The following FAM216B variants were observed in gnomAD, a reference collection of about 807,000 sequenced individuals.
FAM216B encodes family with sequence similarity 216 member B.
Under a neutral mutation model 12.9 loss-of-function variants are expected in FAM216B, and 11 were observed. The observed-to-expected ratio is 0.86, with a 90% CI of 0.54 to 1.42. The LOEUF is 1.42. Among genes scored for constraint, FAM216B ranks in the 40% most tolerant of loss-of-function variants. The pLI, the probability that FAM216B is intolerant of heterozygous loss-of-function variation, is 0.00. For synonymous variants in FAM216B, 52 were observed against 57.2 expected (o/e 0.91, Z 0.41); for missense variants, 167 against 162.9 (o/e 1.02, Z -0.14).
Position 42,789,004 on chromosome 13 carries a change from G to A in FAM216B, c.*214G>A, listed in dbSNP as rs964474208. On this transcript the variant is annotated 3_prime_UTR_variant, in exon 4 of 4. Transcript: ENST00000313851. The stretch of plus-strand genomic sequence containing the variant: ...AAGCAAGCCTTTCCACATAACATCC[G>A]TAGAGTAAAAGGACTTTTAAAGCTT... 21 of 422,596 alleles carry A rather than the reference G, an allele frequency of 5.0e-5. No individual in the cohort carries two copies. The highest frequency in any genetic ancestry group is 1.5e-4 in the Admixed American group (4 of 26,788). The allele number at this position is 422,596 out of a possible 1,614,324, so 26.2% of individuals were successfully genotyped here. A position where few individuals can be genotyped will look rare whatever the true frequency, so the allele number is the denominator to read the frequency against.
At chr13:42,786,609 AGTT>A (rs1233043698) in intron 2 of FAM216B, among the ~76,000 whole-genome samples, 151 bp from the exon 3 acceptor site, 1 of 150,720 alleles carries the variant, frequency 6.6e-6, no homozygotes, top group Non-Finnish European at 1.5e-5. Context: ...GAAACTCCCC[AGTT>A]GTTATTTTCC....
Position 42,784,173 on chromosome 13 carries a change from C to T in FAM216B, c.99+7C>T, listed in dbSNP as rs368375753. 7.8e-4 allele frequency: 586 copies of T among 752,590 alleles called. No individual in the cohort carries two copies. The highest frequency in any genetic ancestry group is 1.9e-3 in the South Asian group (69 of 35,754). 46.6% of individuals were successfully genotyped at this position (752,590 alleles called of 1,614,324 possible). ...TGACACTTCCTTACTAAAGGTATGGCTTTTTTTTTTTTTTTTTTTTCACAG... is the reference window on the plus strand; with the variant it reads ...TGACACTTCCTTACTAAAGGTATGGTTTTTTTTTTTTTTTTTTTTTCACAG... On this transcript the variant is annotated splice_region_variant and intron_variant, in intron 2 of 3. Transcript: ENST00000313851.
intron 3 of FAM216B, among the ~76,000 whole-genome samples, chr13:42,787,637 C>T (rs1210449031): frequency 2.0e-5 from 3 of 152,226 alleles, no homozygotes; most frequent in Non-Finnish European, 4.4e-5. Flanking sequence ...CTTCATCATA[C>T]CGTTCTCCTA....
chr13:42,786,743 C>A lies in FAM216B; in HGVS notation c.100-20C>A. The A allele has an allele frequency of 6.2e-7, 1 of 1,612,924 alleles. No homozygotes were observed. The highest frequency in any genetic ancestry group is 1.1e-5 in the South Asian group (1 of 90,892). ...TGGAACTCCACACACTCATCAAAAT[C>A]ACCTGTTCTGTTCCAACAGGCCCTC... On this transcript the variant is annotated intron_variant, in intron 2 of 3. Transcript: ENST00000313851.
rs1873860746 is a variant in FAM216B, at chr13:42,781,658, G to T, written c.-21G>T. On this transcript the variant is annotated 5_prime_UTR_variant, in exon 1 of 4. Transcript: ENST00000313851. ...AGCTTTTAAAAGTGGGGGAACTACA[G>T]TATAGGGTAAGTTCTTTTTAGGCAA... is the stretch of plus-strand genomic sequence containing the variant. 6.6e-6 allele frequency: 1 copy of T among 152,204 alleles called. No homozygotes were observed. The highest frequency in any genetic ancestry group is 1.5e-5 in the Non-Finnish European group (1 of 68,040). 9.4% of individuals were successfully genotyped at this position (152,204 alleles called of 1,614,324 possible). A position where few individuals can be genotyped will look rare whatever the true frequency, so the allele number is the denominator to read the frequency against.
intron 1 of FAM216B, among the ~76,000 whole-genome samples, chr13:42,782,248 T>C (rs1426618007): frequency 6.6e-6 from 1 of 152,190 alleles, no homozygotes; most frequent in Non-Finnish European, 1.5e-5. Flanking sequence ...TATGAACCTA[T>C]GAGTGTGCAT....
Position 42,788,647 on chromosome 13 carries a change from A to G in FAM216B, c.277A>G (p.Lys93Glu), listed in dbSNP as rs1318497123. 1.2e-6 allele frequency: 2 copies of G among 1,613,818 alleles called. No homozygotes were observed. Among genetic ancestry groups the G allele is most frequent in the African/African-American group, 1.3e-5 (1 of 74,886 alleles). The part of the protein sequence containing the change: ...SYALVLRDST[K>E]RASAKVAPQR... ...TGCTCTTGTACTTAGAGATTCAACC[A>G]AGAGAGCCTCAGCCAAGGTAGCTCC... The change falls in exon 4 of 4, where the codon AAG (lysine) becomes GAG (glutamate). Residue 93 changes from lysine to glutamate, a missense_variant. Lys to Glu is a moderately conservative substitution (Grantham distance 56). Transcript: ENST00000313851.
At position 42,781,604 on chromosome 13, in the gene FAM216B, G is replaced by A. The variant is rs913778046; in HGVS notation, c.-75G>A. 4 of 152,324 alleles carry A rather than the reference G, an allele frequency of 2.6e-5. No homozygotes were observed. The highest frequency in any genetic ancestry group is 1.3e-4 in the Admixed American group (2 of 15,302). The allele number at this position is 152,324 out of a possible 1,614,324, so 9.4% of individuals were successfully genotyped here. On this transcript the variant is annotated 5_prime_UTR_variant, in exon 1 of 4. Coordinates refer to ENST00000313851, the MANE Select transcript of FAM216B (RefSeq NM_001318932.2). Reference sequence around the variant, plus strand: ...CCACCAGCATATAAACAGAGTCCGCGTAAGAAAACTACACTGAATAGGAAT... The same window carrying A: ...CCACCAGCATATAAACAGAGTCCGCATAAGAAAACTACACTGAATAGGAAT...
chr13:42,789,878 CT>C lies in FAM216B; in HGVS notation c.*1089del, dbSNP rs1282660307. 6.6e-6 allele frequency: 1 copy of C among 152,136 alleles called. No individual in the cohort carries two copies. Among genetic ancestry groups the C allele is most frequent in the Admixed American group, 6.6e-5 (1 of 15,264 alleles). The allele number at this position is 152,136 out of a possible 1,614,324, so 9.4% of individuals were successfully genotyped here. ...TTATCAGAAAAAAAATCATTATCTT[CT>C]CTTTGCAATCATGAACATATAAGAT... On this transcript the variant is annotated 3_prime_UTR_variant, in exon 4 of 4. Transcript: ENST00000313851.
At chr13:42,782,872 C>T (rs939467956) in intron 1 of FAM216B, among the ~76,000 whole-genome samples, 8 of 151,670 alleles carry the variant, frequency 5.3e-5, no homozygotes, top group African/African-American at 1.7e-4. Flanking sequence ...TGGAGAATGA[C>T]GTAAAGGCAT....
chr13:42,785,390 A>T (rs1212911501), intron 2 of FAM216B, among the ~76,000 whole-genome samples: 1 of 152,228 alleles, frequency 6.6e-6, no homozygotes, highest in Non-Finnish European at 1.5e-5. Flanking sequence ...ACATATAATT[A>T]TCTTAAGTTT....
In FAM216B at chr13:42,788,858, G is replaced by A; in HGVS notation, c.*68G>A. ...CCCTGGTATCTAGTGGGTGCTTTGT[G>A]CATATTTGTTGAATGACAGTGAATA... is the stretch of plus-strand genomic sequence containing the variant. On this transcript the variant is annotated 3_prime_UTR_variant, in exon 4 of 4. Coordinates refer to ENST00000313851, the MANE Select transcript of FAM216B (RefSeq NM_001318932.2). 2 of 1,398,168 alleles carry A rather than the reference G, an allele frequency of 1.4e-6. No homozygotes were observed. Among genetic ancestry groups the A allele is most frequent in the South Asian group, 1.4e-5 (1 of 73,544 alleles). 86.6% of individuals were successfully genotyped at this position (1,398,168 alleles called of 1,614,324 possible). A position where few individuals can be genotyped will look rare whatever the true frequency, so the allele number is the denominator to read the frequency against.
At chr13:42,786,622 C>T in intron 2 of FAM216B, 141 bp from the exon 3 acceptor site, 2 of 1,033,304 alleles carry the variant, frequency 1.9e-6, no homozygotes, top group Admixed American at 2.9e-5. Context: ...TGTTATTTTC[C>T]AATTGTTGCA....
Position 42,788,721 on chromosome 13 carries a change from A to G in FAM216B, c.351A>G (p.Pro117=). ...RKTSAMTRRC[P]SVLPVSVVLP... ...CTTCAGCCATGACAAGAAGATGTCC[A>G]TCAGTACTACCTGTATCTGTGGTTC... The change falls in exon 4 of 4, where the codon CCA becomes CCG. Residue 117 remains proline, a synonymous_variant. Transcript: ENST00000313851. 1 of 1,613,970 alleles carries G rather than the reference A, an allele frequency of 6.2e-7. No homozygotes were observed. Among genetic ancestry groups the G allele is most frequent in the Non-Finnish European group, 8.5e-7 (1 of 1,179,862 alleles).
At position 42,790,755 on chromosome 13, in the gene FAM216B, C is replaced by T. The variant is rs965389551; in HGVS notation, c.*1965C>T. ...CTGTTGGAGAAAATGCTATTGCTTGCACTCACAATGTCAATATACATTATC... is the reference window on the plus strand; with the variant it reads ...CTGTTGGAGAAAATGCTATTGCTTGTACTCACAATGTCAATATACATTATC... On this transcript the variant is annotated 3_prime_UTR_variant, in exon 4 of 4. Transcript: ENST00000313851. 3 of 152,166 alleles carry T rather than the reference C, an allele frequency of 2.0e-5. No homozygotes were observed. Among genetic ancestry groups the T allele is most frequent in the African/African-American group, 7.2e-5 (3 of 41,452 alleles). 9.4% of individuals were successfully genotyped at this position (152,166 alleles called of 1,614,324 possible).
rs1873858386 is a variant in FAM216B at position 42,781,611 on chromosome 13, A to T, written c.-68A>T. On this transcript the variant is annotated 5_prime_UTR_variant, in exon 1 of 4. Transcript: ENST00000313851. ...CATATAAACAGAGTCCGCGTAAGAA[A>T]ACTACACTGAATAGGAATGGCAGCT... is the stretch of plus-strand genomic sequence containing the variant. 6.6e-6 allele frequency: 1 copy of T among 152,208 alleles called. No individual in the cohort carries two copies. Among genetic ancestry groups the T allele is most frequent in the Admixed American group, 6.5e-5 (1 of 15,278 alleles). 9.4% of individuals were successfully genotyped at this position (152,208 alleles called of 1,614,324 possible).
In FAM216B at chr13:42,788,600, C is replaced by T. The variant is rs1874180913; in HGVS notation, c.230C>T (p.Thr77Ile). The part of the protein sequence containing the change: ...LQHQQLLGYI[T>I]QREALSYALV... ...CATTTCTTTCCCCTAGGCTATATTA[C>T]TCAACGGGAAGCCTTGTCTTATGCT... The change falls in exon 4 of 4, where the codon ACT (threonine) becomes ATT (isoleucine). Residue 77 changes from threonine (T) to isoleucine (I), a missense_variant. Transcript: ENST00000313851. The T allele has an allele frequency of 1.2e-6, 2 of 1,612,068 alleles. No homozygotes were observed. The highest frequency in any genetic ancestry group is 1.7e-6 in the Non-Finnish European group (2 of 1,178,986).
chr13:42,784,193 T>TTTTTTC (rs1555249502), intron 2 of FAM216B, 27 bp downstream of exon 2: 20 of 1,416,644 alleles, frequency 1.4e-5, no homozygotes, highest in Non-Finnish European at 1.8e-5. Context: ...TTTTTTTTTT[T>TTTTTTC]CACAGATAGA....
chr13:42,788,771 G>A lies in FAM216B; in HGVS notation c.401G>A (p.Arg134His), dbSNP rs749283387. The change falls in exon 4 of 4, where the codon CGC becomes CAC. Residue 134 changes from arginine to histidine, a missense_variant. Arg to His is a conservative substitution (Grantham distance 29). Transcript: ENST00000313851. The stretch of plus-strand genomic sequence containing the variant: ...CTACCTAGGGCCCAAAGTAAAAGGC[G>A]CCAAGTGCTCAGGAACTGAGACTTG... ...VVLPRAQSKR[R>H]QVLRN 2.2e-5 allele frequency: 35 copies of A among 1,611,742 alleles called. No individual in the cohort carries two copies. The highest frequency in any genetic ancestry group is 8.9e-5 in the East Asian group (4 of 44,856).
Sources: gnomAD v4.1 joint callset for allele counts (sites outside exome capture counted in the v4.1 genomes callset) on GRCh38, gnomAD v4.1.1 for gene constraint, MANE v1.5 for transcripts, NCBI Gene and HGNC (gene_info 2026-07-23, HGNC 2026-07-21) for gene names.